Variants in SCP2 observed in about 807,000 individuals in gnomAD.
SCP2 encodes the protein sterol carrier protein 2, also known as SCP-2/3-oxoacyl-CoA thiolase.
A neutral mutation model predicts 71.4 loss-of-function variants in SCP2; 48 were observed. That is an observed-to-expected ratio of 0.67 (90% CI 0.53 to 0.86). The LOEUF is 0.86. SCP2 is among the 40% of genes least tolerant of loss of function. The probability of loss-of-function intolerance (pLI) is 0.00; values close to 1 mark genes in which losing one functional copy is unlikely to be tolerated. For missense variants in SCP2, 560 were observed against 655.6 expected (o/e 0.85, Z 1.59); for synonymous variants, 220 against 218.1 (o/e 1.01, Z -0.08).
chr1:53,003,421 T>C (rs1178546043), intron 11 of SCP2, among the ~76,000 whole-genome samples: 5 of 152,172 alleles, frequency 3.3e-5, no homozygotes, highest in Non-Finnish European at 7.4e-5. Context: ...GCTTTCGCCA[T>C]GTTGCTTAGG....
chr1:52,972,979 T>G (rs1310292424), intron 6 of SCP2, among the ~76,000 whole-genome samples: 3 of 152,236 alleles, frequency 2.0e-5, no homozygotes, highest in African/African-American at 7.2e-5. Context: ...TAGAACTGAG[T>G]GTTTAATTTA....
chr1:53,045,989 C>G (rs996642101), intron 14 of SCP2, among the ~76,000 whole-genome samples: 2 of 152,182 alleles, frequency 1.3e-5, no homozygotes, highest in African/African-American at 4.8e-5. Context: ...GAAATTTATT[C>G]ATGCTGTTGC....
intron 11 of SCP2, among the ~76,000 whole-genome samples, chr1:52,992,824 T>TA (rs201727069): frequency 0.067 from 10,193 of 152,222 alleles, 648 homozygotes; most frequent in Admixed American, 0.19. Flanking sequence ...AGAGTAACAG[T>TA]AGGCAGTGTG....
At chr1:52,987,964 T>TA in intron 10 of SCP2, 65 bp from the exon 11 acceptor site, 1 of 877,608 alleles carries the variant, frequency 1.1e-6, no homozygotes, top group Non-Finnish European at 1.9e-6. Flanking sequence ...GGAAATCTTA[T>TA]AAAAGCATAT....
At chr1:52,954,631 C>T (rs372179614) in intron 4 of SCP2, 109 bp from the exon 5 acceptor site, 15 of 913,692 alleles carry the variant, frequency 1.6e-5, no homozygotes, top group Middle Eastern at 5.7e-4. Flanking sequence ...ACTATAAGTT[C>T]GAGCCATTGT....
chr1:52,956,902 C>CTTTTTT (rs370787153), intron 5 of SCP2, among the ~76,000 whole-genome samples: 2 of 105,900 alleles, frequency 1.9e-5, no homozygotes, highest in African/African-American at 4.0e-5. Context: ...CTCCTTCTGC[C>CTTTTTT]TTTTTTTTTT....
At chr1:53,031,725 T>G (rs557911369) in intron 13 of SCP2, among the ~76,000 whole-genome samples, 1 of 152,374 alleles carries the variant, frequency 6.6e-6, no homozygotes, top group East Asian at 1.9e-4. Flanking sequence ...TCACTCCCAC[T>G]TCAATTGAAA....
At chr1:53,021,529 A>C (rs953399783) in intron 12 of SCP2, among the ~76,000 whole-genome samples, 1 of 151,202 alleles carries the variant, frequency 6.6e-6, no homozygotes. Flanking sequence ...CATGTTGGCC[A>C]GGCTAGTCTT....
At chr1:52,953,858 A>G (rs1262379789) in intron 4 of SCP2, among the ~76,000 whole-genome samples, 1 of 149,792 alleles carries the variant, frequency 6.7e-6, no homozygotes, top group East Asian at 2.0e-4. Flanking sequence ...AAAACTGGTC[A>G]TGGTGCCACA....
chr1:52,938,064 T>C (rs1653892449), intron 1 of SCP2, among the ~76,000 whole-genome samples: 1 of 152,206 alleles, frequency 6.6e-6, no homozygotes, highest in South Asian at 2.1e-4. Context: ...GGCTGTGTCT[T>C]ATGTAAATGT....
intron 5 of SCP2, among the ~76,000 whole-genome samples, chr1:52,958,743 C>T (rs1163050289): frequency 2.0e-5 from 3 of 152,022 alleles, no homozygotes; most frequent in Admixed American, 6.6e-5. Context: ...TTTTAAGTGA[C>T]GGGTTCTCCC....
intron 6 of SCP2, among the ~76,000 whole-genome samples, chr1:52,970,966 A>G (rs1657418766): frequency 1.5e-5 from 2 of 132,336 alleles, no homozygotes; most frequent in Admixed American, 1.5e-4. Flanking sequence ...AGAGAGACAC[A>G]GATTTTTTTT....
At chr1:52,964,889 C>T (rs1285025923) in intron 6 of SCP2, among the ~76,000 whole-genome samples, 2 of 152,044 alleles carry the variant, frequency 1.3e-5, no homozygotes, top group Non-Finnish European at 2.9e-5. Flanking sequence ...TAGTGCACAC[C>T]TGTAGTCCCA....
intron 2 of SCP2, among the ~76,000 whole-genome samples, chr1:52,944,880 C>T (rs898024339): frequency 2.6e-5 from 4 of 151,788 alleles, no homozygotes; most frequent in East Asian, 2.0e-4. Context: ...CTCCTGACCT[C>T]GGGTGATCCA....
At chr1:52,981,939 C>T (rs1363660292) in intron 10 of SCP2, among the ~76,000 whole-genome samples, 3 of 151,360 alleles carry the variant, frequency 2.0e-5, no homozygotes, top group African/African-American at 7.3e-5. Context: ...TCTATTTGTC[C>T]CCTGTAATTT....
chr1:52,991,090 G>A (rs185090648), intron 11 of SCP2, among the ~76,000 whole-genome samples: 42 of 152,296 alleles, frequency 2.8e-4, no homozygotes, highest in African/African-American at 9.9e-4. Flanking sequence ...TTATAGGTAC[G>A]TGTTCTGTAT....
At chr1:52,998,269 A>C (rs1660068679) in intron 11 of SCP2, among the ~76,000 whole-genome samples, 1 of 152,096 alleles carries the variant, frequency 6.6e-6, no homozygotes, top group Admixed American at 6.5e-5. Flanking sequence ...CCTGGAGCAA[A>C]ATTTCTGGGT....
chr1:52,941,972 G>A (rs77858034), intron 2 of SCP2, 119 bp downstream of exon 2: 67 of 723,520 alleles, frequency 9.3e-5, no homozygotes, highest in Admixed American at 6.1e-4. Flanking sequence ...AGAAGAACCC[G>A]TACAGAGAAA....
chr1:53,050,692 C>T lies in SCP2; in HGVS notation c.1632C>T (p.Asn544=), dbSNP rs143534838. ...AAAATCTTCAGCTTCAGCCAGGCAA[C>T]GCTAAGCTCTGAAGAACTCCCTTTG... The part of the protein sequence containing the change: ...KLQNLQLQPG[N]AKL The change falls in exon 16 of 16, where the codon AAC becomes AAT. Residue 544 remains asparagine (N), a synonymous_variant. Transcript: ENST00000371514. 48 of 1,609,982 alleles carry T rather than the reference C, an allele frequency of 3.0e-5. No individual in the cohort carries two copies. The highest frequency in any genetic ancestry group is 2.5e-4 in the African/African-American group (19 of 74,808).
Sources: allele counts gnomAD v4.1 joint callset (sites outside exome capture counted in the v4.1 genomes callset), GRCh38; gene constraint gnomAD v4.1.1; transcripts MANE v1.5; gene names NCBI Gene and HGNC (gene_info 2026-07-23, HGNC 2026-07-21).